TRIM24: variants seen among roughly 807,000 people sequenced by gnomAD.
TRIM24 encodes transcription intermediary factor 1-alpha.
TRIM24 carries 29 observed loss-of-function variants against 123.9 expected under a neutral mutation model. That is an observed-to-expected ratio of 0.23 (90% CI 0.17 to 0.32). The LOEUF is 0.32. Ranked by LOEUF, TRIM24 falls within the 10% of genes least tolerant of loss-of-function variation. The probability of loss-of-function intolerance (pLI) is 1.00; values close to 1 mark genes in which losing one functional copy is unlikely to be tolerated. For synonymous variants in TRIM24, 456 were observed against 461.1 expected, an observed-to-expected ratio of 0.99 and a Z score of 0.14; for missense variants, 932 against 1,295.3, an observed-to-expected ratio of 0.72 and a Z score of 4.31.
chr7:138,511,150 G>A (rs1034820035), intron 2 of TRIM24, among the ~76,000 whole-genome samples: 1 of 152,180 alleles, frequency 6.6e-6, no homozygotes, highest in African/African-American at 2.4e-5. Flanking sequence ...TGGCTGTACA[G>A]GAAGCCTGAT....
chr7:138,584,711 TTTTTTACTCATTTTTA>T lies in TRIM24; in HGVS notation c.2944-21_2944-6del. On this transcript the variant is annotated splice_polypyrimidine_tract_variant and intron_variant, in intron 18 of 18. Transcript: ENST00000343526. ...ATCTCAGAAGTCAAAAGTGTGTCCT[TTTTTTACTCATTTTTA>T]TTTTTACTCCACAGCCTGATTCAGA... 6.5e-7 allele frequency: 1 copy of T among 1,543,886 alleles called. No homozygotes were observed. Among genetic ancestry groups the T allele is most frequent in the Non-Finnish European group, 8.8e-7 (1 of 1,142,776 alleles).
At chr7:138,581,847 AT>A in intron 17 of TRIM24, 76 bp downstream of exon 17, 1 of 1,159,800 alleles carries the variant, frequency 8.6e-7, no homozygotes. Context: ...TCTAGCTTAT[AT>A]TACCATTTTT....
chr7:138,475,326 A>G (rs1045630941), intron 1 of TRIM24, among the ~76,000 whole-genome samples: 6 of 152,178 alleles, frequency 3.9e-5, no homozygotes, highest in African/African-American at 1.4e-4. Flanking sequence ...TAGCAAAAGA[A>G]GTATTGGCAG....
chr7:138,463,988 A>ATTTTTTTT (rs1359459460), intron 1 of TRIM24, among the ~76,000 whole-genome samples: 1 of 32,114 alleles, frequency 3.1e-5, no homozygotes, highest in Non-Finnish European at 6.9e-5. Flanking sequence ...AAAAATTTAG[A>ATTTTTTTT]CTTTTTTTTT....
In TRIM24 at chr7:138,486,470, G is replaced by A. The variant is rs577263657; in HGVS notation, c.365-17820G>A. 3.9e-5 allele frequency among the ~76,000 whole-genome samples: 6 copies of A among 152,282 alleles called. No individual in the cohort carries two copies. The South Asian group carries it at 1.2e-3, about 32-fold the overall frequency. On this transcript the variant is annotated intron_variant, in intron 1 of 18. Transcript: ENST00000343526. ...TCTTCTAGGGTTTTTATGGTTTTAG[G>A]TCTAACATTTAAGTCTTTAATCCAT...
chr7:138,544,560 C>G (rs1427919211), intron 7 of TRIM24, among the ~76,000 whole-genome samples: 1 of 152,126 alleles, frequency 6.6e-6, no homozygotes. Context: ...TACAGTAGTT[C>G]TGTTTTTAAT....
At chr7:138,486,869 G>A (rs935261435) in intron 1 of TRIM24, among the ~76,000 whole-genome samples, 1 of 152,094 alleles carries the variant, frequency 6.6e-6, no homozygotes, top group African/African-American at 2.4e-5. Context: ...TTCCAGTTCT[G>A]TGAAGACAGT....
In TRIM24 at chr7:138,507,947, T is replaced by A. The variant is rs546193463; in HGVS notation, c.483+3539T>A. ...AGACCCTATCTCAAAAAAAAAAAAA[T>A]TTTTTTTTAAATGCTTAATGATCTC... is the stretch of plus-strand genomic sequence containing the variant. On this transcript the variant is annotated intron_variant, in intron 2 of 18. Coordinates refer to ENST00000343526, the MANE Select transcript of TRIM24 (RefSeq NM_015905.3). Among the ~76,000 whole-genome samples the A allele has an allele frequency of 2.1e-3, 304 of 147,954 alleles. 1 individual carries two copies. Among genetic ancestry groups the A allele is most frequent in the Non-Finnish European group, 3.3e-3 (216 of 66,276 alleles).
chr7:138,545,163 C>CAT (rs1797076369), intron 7 of TRIM24, among the ~76,000 whole-genome samples: 1 of 149,382 alleles, frequency 6.7e-6, no homozygotes, highest in African/African-American at 2.5e-5. Context: ...ATAAAATCTG[C>CAT]GTGTGTGTGT....
intron 1 of TRIM24, among the ~76,000 whole-genome samples, chr7:138,487,152 C>A (rs757978772): frequency 2.6e-5 from 4 of 151,868 alleles, no homozygotes; most frequent in African/African-American, 9.7e-5. Context: ...CTGTTATTGG[C>A]GTATAAGAAT....
At chr7:138,555,482 ATTTTT>A (rs1203577540) in intron 9 of TRIM24, among the ~76,000 whole-genome samples, 1 of 138,514 alleles carries the variant, frequency 7.2e-6, no homozygotes, top group Non-Finnish European at 1.6e-5. Flanking sequence ...CTATAATCCA[ATTTTT>A]TTTTTTTTTT....
chr7:138,492,283 A>AAAAAAAAAAAAAAAAG, intron 1 of TRIM24, among the ~76,000 whole-genome samples: 1 of 139,696 alleles, frequency 7.2e-6, no homozygotes, highest in African/African-American at 2.5e-5. Context: ...CAAAAAAAAA[A>AAAAAAAAAAAAAAAAG]AAAAAAAAAA....
At chr7:138,508,702 T>TGC (rs1318385403) in intron 2 of TRIM24, among the ~76,000 whole-genome samples, 1,432 of 40,088 alleles carry the variant, frequency 0.036, 27 homozygotes, top group African/African-American at 0.1. Context: ...TGCGCGCGCG[T>TGC]GTGTGCGTGT....
intron 14 of TRIM24, among the ~76,000 whole-genome samples, chr7:138,578,768 A>G (rs1428397966): frequency 6.6e-6 from 1 of 152,156 alleles, no homozygotes; most frequent in Non-Finnish European, 1.5e-5. Context: ...CTATATCTAC[A>G]TTTATTACTT....
At chr7:138,529,583 C>A (rs532820166) in intron 6 of TRIM24, among the ~76,000 whole-genome samples, 1 of 152,120 alleles carries the variant, frequency 6.6e-6, no homozygotes, top group Non-Finnish European at 1.5e-5. Flanking sequence ...TAGAAAGATA[C>A]ACTGTTCGAT....
chr7:138,543,574 AGCAGCCCTGAAACCTCAAGC>A, intron 7 of TRIM24, among the ~76,000 whole-genome samples: 1 of 152,200 alleles, frequency 6.6e-6, no homozygotes, highest in African/African-American at 2.4e-5. Context: ...CGAAATGCCT[AGCAGCCCTGAAACCTCAAGC>A]TTGGCTTGCT....
chr7:138,550,650 C>G (rs1477126897), intron 7 of TRIM24, among the ~76,000 whole-genome samples: 1 of 152,142 alleles, frequency 6.6e-6, no homozygotes, highest in African/African-American at 2.4e-5. Flanking sequence ...CCACCTCACT[C>G]ACAGGCCCAG....
In TRIM24 at chr7:138,515,196, A is replaced by G. The variant is rs772860612; in HGVS notation, c.484-16A>G. On this transcript the variant is annotated splice_polypyrimidine_tract_variant and intron_variant, in intron 2 of 18. Transcript: ENST00000343526. Reference sequence around the variant, plus strand: ...TCATTTTCTCAAAAATTTACGTGCCATGGTTCTTTTGTCAGGTATGTACAA... The same window carrying G: ...TCATTTTCTCAAAAATTTACGTGCCGTGGTTCTTTTGTCAGGTATGTACAA... 9 of 1,595,532 alleles carry G rather than the reference A, an allele frequency of 5.6e-6. No homozygotes were observed. Among genetic ancestry groups the G allele is most frequent in the African/African-American group, 4.0e-5 (3 of 74,464 alleles).
rs1797270987 is a variant in TRIM24, at chr7:138,554,213, A to G, written c.1262-485A>G. On this transcript the variant is annotated intron_variant, in intron 8 of 18. Transcript: ENST00000343526. This position sits in a 1 kb window ranked among gnomAD's most constrained non-coding sequence, Gnocchi z 4.5. ...TCTTAGGCCATACAGGGTCACTCAC[A>G]GGGTACACTTAAGTTATTGCTGTCA... 3.3e-5 allele frequency among the ~76,000 whole-genome samples: 5 copies of G among 152,192 alleles called. No homozygotes were observed. The highest frequency in any genetic ancestry group is 1.3e-4 in the Admixed American group (2 of 15,276).
Sources: gnomAD v4.1 joint callset for allele counts (sites outside exome capture counted in the v4.1 genomes callset) on GRCh38, gnomAD v4.1.1 for gene constraint, Gnocchi (gnomAD v3.1) non-coding constraint, MANE v1.5 for transcripts, NCBI Gene and HGNC (gene_info 2026-07-23, HGNC 2026-07-21) for gene names.